ARHGEF3: variants seen among roughly 807,000 people sequenced by gnomAD.
The protein encoded by ARHGEF3 is 59.8 kDA protein.
Under a neutral mutation model 63.2 loss-of-function variants are expected in ARHGEF3, and 28 were observed. The ratio of observed to expected loss-of-function variants is 0.44; its 90% CI spans 0.33 to 0.61. The LOEUF is 0.61. Ranked by LOEUF, ARHGEF3 falls within the 20% of genes least tolerant of loss-of-function variation. The pLI is 0.03. For synonymous variants in ARHGEF3, 266 were observed against 254.2 expected, an observed-to-expected ratio of 1.05 and a Z score of -0.44; for missense variants, 533 against 659.3, an observed-to-expected ratio of 0.81 and a Z score of 2.10.
chr3:57,054,110 A>G (rs144577587), intron 1 of ARHGEF3, among the ~76,000 whole-genome samples: 57 of 152,318 alleles, frequency 3.7e-4, no homozygotes, highest in Admixed American at 2.7e-3. Flanking sequence ...GTACCAATTC[A>G]TACTCCCACT....
intron 2 of ARHGEF3, among the ~76,000 whole-genome samples, chr3:56,985,010 G>GT (rs1701478633): frequency 6.6e-6 from 1 of 152,212 alleles, no homozygotes; most frequent in South Asian, 2.1e-4. Context: ...AAAGATGGTA[G>GT]TTTTTTCACC....
At chr3:56,827,752 CAAAAA>C (rs35949919) in intron 4 of ARHGEF3, among the ~76,000 whole-genome samples, 4 of 68,422 alleles carry the variant, frequency 5.8e-5, no homozygotes, top group African/African-American at 2.6e-4. Flanking sequence ...CCTGTCTCTA[CAAAAA>C]AAAAAAAAAA....
chr3:57,015,597 C>T (rs1702959940), intron 2 of ARHGEF3, among the ~76,000 whole-genome samples: 1 of 137,170 alleles, frequency 7.3e-6, no homozygotes, highest in Non-Finnish European at 1.6e-5. Flanking sequence ...CCACGCCCTG[C>T]TAATTTTTTT....
intron 1 of ARHGEF3, among the ~76,000 whole-genome samples, chr3:57,050,654 T>C (rs996223430): frequency 2.6e-5 from 4 of 152,220 alleles, no homozygotes; most frequent in Admixed American, 2.6e-4. Flanking sequence ...AAGGAAAGGC[T>C]GTGAACACCA....
chr3:56,795,883 C>T (rs2037335118), intron 1 of ARHGEF3, among the ~76,000 whole-genome samples: 1 of 151,860 alleles, frequency 6.6e-6, no homozygotes, highest in South Asian at 2.1e-4. Flanking sequence ...CGTGATCCGA[C>T]CACCTCAGCC....
At chr3:56,845,884 T>C (rs934689496) in intron 4 of ARHGEF3, among the ~76,000 whole-genome samples, 3 of 152,198 alleles carry the variant, frequency 2.0e-5, no homozygotes, top group African/African-American at 7.2e-5. Context: ...AAGTTGTGCT[T>C]GCATGTGGCA....
chr3:56,927,457 A>C lies in ARHGEF3; in HGVS notation c.129+31366T>G, dbSNP rs141810447. Among the ~76,000 whole-genome samples, 266 of 152,204 alleles carry C rather than the reference A, an allele frequency of 1.7e-3. 1 individual carries two copies. Among genetic ancestry groups the C allele is most frequent in the Non-Finnish European group, 3.1e-3 (214 of 68,022 alleles). ...ATACTACATATAATAATCTTATATA[A>C]AAGTATAATATATAACATAAACTTA... On this transcript the variant is annotated intron_variant, in intron 3 of 12. Coordinates refer to the ARHGEF3 transcript ENST00000338458.
intron 3 of ARHGEF3, among the ~76,000 whole-genome samples, chr3:56,936,628 C>A (rs781074563): frequency 6.6e-6 from 1 of 152,170 alleles, no homozygotes; most frequent in Non-Finnish European, 1.5e-5. Context: ...ATCCAAATTA[C>A]CAGATTACAA....
At chr3:57,008,389 C>A (rs1156820721) in intron 2 of ARHGEF3, among the ~76,000 whole-genome samples, 1 of 152,040 alleles carries the variant, frequency 6.6e-6, no homozygotes, top group Non-Finnish European at 1.5e-5. Context: ...CACGTAACAG[C>A]CCGCTTGCCA....
intron 4 of ARHGEF3, among the ~76,000 whole-genome samples, chr3:56,831,956 T>C (rs1009290118): frequency 6.6e-6 from 1 of 152,242 alleles, no homozygotes; most frequent in South Asian, 2.1e-4. Flanking sequence ...GGCAAAGGTA[T>C]GATCGTGAGT....
intron 4 of ARHGEF3, among the ~76,000 whole-genome samples, chr3:56,810,659 T>G (rs1036716045): frequency 6.0e-5 from 9 of 149,396 alleles, no homozygotes; most frequent in African/African-American, 2.2e-4. Context: ...TATGGCAGTA[T>G]TCATATCATC....
At chr3:56,999,912 G>A (rs1201771679) in intron 2 of ARHGEF3, among the ~76,000 whole-genome samples, 2 of 152,212 alleles carry the variant, frequency 1.3e-5, no homozygotes, top group Non-Finnish European at 2.9e-5. Context: ...AGATCACTAT[G>A]TAGGGAATGC....
At chr3:57,059,587 C>A (rs763270507) in intron 1 of ARHGEF3, among the ~76,000 whole-genome samples, 17 of 152,100 alleles carry the variant, frequency 1.1e-4, no homozygotes, top group Non-Finnish European at 1.9e-4. Context: ...AAATCTGGCT[C>A]TGCTATCTGC....
chr3:56,897,860 C>T (rs1396759897), intron 3 of ARHGEF3, among the ~76,000 whole-genome samples: 3 of 151,844 alleles, frequency 2.0e-5, no homozygotes, highest in Admixed American at 6.6e-5. Context: ...CCACCATGCC[C>T]GGCCCTATTT....
At chr3:57,067,933 T>C (rs1490406416) in intron 1 of ARHGEF3, among the ~76,000 whole-genome samples, 1 of 151,672 alleles carries the variant, frequency 6.6e-6, no homozygotes, top group Non-Finnish European at 1.5e-5. Context: ...GAGCTTGCAG[T>C]GAGCCAAGAT....
At chr3:56,773,420 A>G (rs913312864) in intron 2 of ARHGEF3, among the ~76,000 whole-genome samples, 13 of 152,122 alleles carry the variant, frequency 8.5e-5, no homozygotes, top group Non-Finnish European at 1.5e-4. Flanking sequence ...GGAGGCCCAT[A>G]GATATTTTAG....
chr3:56,980,518 C>CCATATATAGTACCATATATA (rs1701286588), intron 2 of ARHGEF3, among the ~76,000 whole-genome samples: 1 of 152,154 alleles, frequency 6.6e-6, no homozygotes, highest in Admixed American at 6.5e-5. Context: ...ATAGTACCTA[C>CCATATATAGTACCATATATA]GTAGGTTAGT....
intron 1 of ARHGEF3, among the ~76,000 whole-genome samples, chr3:57,037,233 G>C (rs1321432943): frequency 6.6e-6 from 1 of 151,978 alleles, no homozygotes; most frequent in Non-Finnish European, 1.5e-5. Context: ...TGAGTTCAGA[G>C]TCCCGGAGTT....
At chr3:56,796,222 A>G (rs1366066874) in intron 1 of ARHGEF3, among the ~76,000 whole-genome samples, 1 of 152,212 alleles carries the variant, frequency 6.6e-6, no homozygotes, top group Non-Finnish European at 1.5e-5. Flanking sequence ...TTAGGTTGTG[A>G]TCAGTAATTT....
Sources: gnomAD v4.1 joint callset for allele counts (sites outside exome capture counted in the v4.1 genomes callset) on GRCh38, gnomAD v4.1.1 for gene constraint, MANE v1.5 for transcripts, NCBI Gene and HGNC (gene_info 2026-07-23, HGNC 2026-07-21) for gene names.